The following NCOR1 variants were observed in gnomAD, a reference collection of about 807,000 sequenced individuals.
NCOR1 encodes protein phosphatase 1, regulatory subunit 109.
Under a neutral mutation model 288.1 loss-of-function variants are expected in NCOR1, and 63 were observed. The ratio of observed to expected loss-of-function variants is 0.22; its 90% CI spans 0.18 to 0.27. The LOEUF (loss-of-function observed/expected upper bound fraction) is 0.27, where lower values mean the gene tolerates loss of function less well. NCOR1 is among the 10% of genes least tolerant of loss of function. The pLI, the probability that NCOR1 is intolerant of heterozygous loss-of-function variation, is 1.00. For synonymous variants in NCOR1, 1,007 were observed against 1,065.9 expected (o/e 0.94, Z 1.08); for missense variants, 2,397 against 3,019.2 (o/e 0.79, Z 4.83).
intron 20 of NCOR1, among the ~76,000 whole-genome samples, chr17:16,099,839 T>A (rs2067278506): frequency 2.6e-5 from 4 of 152,212 alleles, no homozygotes; most frequent in Admixed American, 6.5e-5. Context: ...GAACACCTAT[T>A]TTATTTCAAT....
intron 1 of NCOR1, among the ~76,000 whole-genome samples, chr17:16,214,560 G>C (rs2092396508): frequency 6.6e-6 from 1 of 152,182 alleles, no homozygotes; most frequent in Non-Finnish European, 1.5e-5. Context: ...TTAACTCTGT[G>C]GAAGAGGCAC....
intron 19 of NCOR1, among the ~76,000 whole-genome samples, chr17:16,105,930 T>G (rs1003601575): frequency 6.6e-6 from 1 of 152,002 alleles, no homozygotes; most frequent in South Asian, 2.1e-4. Flanking sequence ...CGAAACCCCA[T>G]CTCTACTAAA....
At chr17:16,089,094 A>T (rs1049370185) in intron 22 of NCOR1, among the ~76,000 whole-genome samples, 2 of 146,836 alleles carry the variant, frequency 1.4e-5, no homozygotes, top group Admixed American at 6.8e-5. Context: ...AACTATGTTT[A>T]AAAAAAAAAA....
intron 42 of NCOR1, among the ~76,000 whole-genome samples, chr17:16,043,626 T>G (rs2058133206): frequency 6.6e-6 from 1 of 152,332 alleles, no homozygotes; most frequent in South Asian, 2.1e-4. Context: ...CATTTCCCTG[T>G]CAAAGAGTTT....
At chr17:16,124,300 T>C (rs1226692158) in intron 15 of NCOR1, among the ~76,000 whole-genome samples, 1 of 152,020 alleles carries the variant, frequency 6.6e-6, no homozygotes, top group Non-Finnish European at 1.5e-5. Flanking sequence ...GCATTCATGC[T>C]AAGTAAAAGA....
At chr17:16,045,016 T>G in intron 42 of NCOR1, 1 of 446,442 alleles carries the variant, frequency 2.2e-6, no homozygotes, top group South Asian at 2.2e-5. Context: ...AAAAAAAGAA[T>G]AAACCAGACT....
In NCOR1 at chr17:16,058,176, C is replaced by A. The variant is rs1048433278; in HGVS notation, c.6011-112G>T. 1.1e-5 allele frequency: 13 copies of A among 1,198,238 alleles called. No homozygotes were observed. The Admixed American group carries it at 2.4e-4, about 22-fold the overall frequency. 74.2% of individuals were successfully genotyped at this position (1,198,238 alleles called of 1,614,324 possible). A position where few individuals can be genotyped will look rare whatever the true frequency, so the allele number is the denominator to read the frequency against. ...CCTGAAAGGATGTGGTACATAGCTC[C>A]AAACAAAGAACTTATCTTAATTTTG... On this transcript the variant is annotated intron_variant, in intron 38 of 45. Transcript: ENST00000268712.
intron 19 of NCOR1, among the ~76,000 whole-genome samples, chr17:16,106,881 ATATTTTTTTTTTTT>A (rs1331126301): frequency 1.4e-3 from 64 of 44,646 alleles, no homozygotes; most frequent in Admixed American, 1.4e-3. Context: ...ATATATATAT[ATATTTTTTTTTTTT>A]TTTTTTTTTT....
intron 6 of NCOR1, among the ~76,000 whole-genome samples, chr17:16,154,304 CAT>C (rs1287273449): frequency 6.6e-6 from 1 of 152,136 alleles, no homozygotes; most frequent in Non-Finnish European, 1.5e-5. Context: ...TTAAGACCCT[CAT>C]ATGTTCGTAA....
At chr17:16,065,353 A>G (rs1598098635) in intron 33 of NCOR1, 132 bp downstream of exon 33, 1 of 1,060,154 alleles carries the variant, frequency 9.4e-7, no homozygotes, top group Non-Finnish European at 1.4e-6. Flanking sequence ...TAAAAAGTCT[A>G]CGGGAGGAAG....
intron 1 of NCOR1, among the ~76,000 whole-genome samples, chr17:16,203,487 T>G (rs140622231): frequency 0.016 from 2,484 of 152,268 alleles, 45 homozygotes; most frequent in Non-Finnish European, 0.023. Context: ...AGGTCTCAGT[T>G]CAAATGTCAT....
At chr17:16,077,004 G>A (rs901460701) in intron 26 of NCOR1, among the ~76,000 whole-genome samples, 4 of 152,160 alleles carry the variant, frequency 2.6e-5, no homozygotes, top group Admixed American at 6.5e-5. Flanking sequence ...GGGCTATGAA[G>A]TTTTGCCTCA....
At chr17:16,107,037 C>G (rs919806766) in intron 19 of NCOR1, among the ~76,000 whole-genome samples, 8 of 151,134 alleles carry the variant, frequency 5.3e-5, no homozygotes, top group Admixed American at 4.6e-4. Context: ...GGACTACAGG[C>G]GCCCGCCACC....
intron 42 of NCOR1, among the ~76,000 whole-genome samples, chr17:16,045,834 T>TGA (rs796853584): frequency 2.2e-4 from 34 of 152,174 alleles, no homozygotes; most frequent in African/African-American, 7.5e-4. Context: ...TTTTTTTTCT[T>TGA]GAGACATCTC....
At chr17:16,149,334 G>T in intron 9 of NCOR1, 117 bp downstream of exon 9, 1 of 349,478 alleles carries the variant, frequency 2.9e-6, no homozygotes. Context: ...TTCTAAATCA[G>T]CACTTATCCT....
chr17:16,117,427 A>T (rs1166143442), intron 18 of NCOR1, among the ~76,000 whole-genome samples: 1 of 151,992 alleles, frequency 6.6e-6, no homozygotes, highest in African/African-American at 2.4e-5. Flanking sequence ...CTATACTAAA[A>T]ATTTAGCATA....
chr17:16,187,939 A>G (rs968317295), intron 2 of NCOR1, among the ~76,000 whole-genome samples: 1 of 151,926 alleles, frequency 6.6e-6, no homozygotes. Context: ...AAAAGGCAAC[A>G]AATCCATAGA....
intron 14 of NCOR1, among the ~76,000 whole-genome samples, chr17:16,126,668 A>C (rs2074109168): frequency 6.6e-6 from 1 of 152,224 alleles, no homozygotes; most frequent in African/African-American, 2.4e-5. Context: ...AGTCTACTTA[A>C]TGGAATATGT....
intron 9 of NCOR1, among the ~76,000 whole-genome samples, chr17:16,148,786 T>G (rs1478712168): frequency 2.0e-5 from 3 of 151,718 alleles, no homozygotes; most frequent in African/African-American, 7.3e-5. Flanking sequence ...ACTCTTGAGC[T>G]TTACAACTCA....
Sources: allele counts gnomAD v4.1 joint callset (sites outside exome capture counted in the v4.1 genomes callset), GRCh38; gene constraint gnomAD v4.1.1; transcripts MANE v1.5; gene names NCBI Gene and HGNC (gene_info 2026-07-23, HGNC 2026-07-21).